Variants in ABCE1 observed in about 807,000 individuals in gnomAD.
The protein encoded by ABCE1 is ATP binding cassette subfamily E member 1, also known as ATP-binding cassette sub-family E member 1.
ABCE1 carries 22 observed loss-of-function variants against 83.4 expected under a neutral mutation model. The ratio of observed to expected loss-of-function variants is 0.26; its 90% confidence interval spans 0.19 to 0.38. The LOEUF is 0.38. Ranked by LOEUF, ABCE1 falls within the 10% of genes least tolerant of loss-of-function variation. The pLI is 1.00. For synonymous variants in ABCE1, 204 were observed against 233.7 expected (o/e 0.87, Z 1.16); for missense variants, 330 against 721.9 (o/e 0.46, Z 6.22).
At chr4:145,115,580 A>G (rs1749588062) in intron 9 of ABCE1, among the ~76,000 whole-genome samples, 1 of 151,198 alleles carries the variant, frequency 6.6e-6, no homozygotes. Context: ...ATGTTTTCTC[A>G]TTTCATTCCC....
At chr4:145,125,389 A>G (rs1490014238) in intron 17 of ABCE1, among the ~76,000 whole-genome samples, 1 of 152,128 alleles carries the variant, frequency 6.6e-6, no homozygotes, top group Non-Finnish European at 1.5e-5. Context: ...AATCACTTGA[A>G]CCTGGAAGGT....
At chr4:145,106,328 G>A (rs993347684) in intron 3 of ABCE1, among the ~76,000 whole-genome samples, 32 of 152,022 alleles carry the variant, frequency 2.1e-4, no homozygotes, top group Middle Eastern at 3.4e-3. Context: ...CAAATAAATC[G>A]TGTGTATATT....
intron 9 of ABCE1, among the ~76,000 whole-genome samples, chr4:145,115,236 G>A (rs34149094): frequency 0.06 from 9,132 of 151,984 alleles, 372 homozygotes; most frequent in Middle Eastern, 0.15. Flanking sequence ...TTTGAAGGTT[G>A]GGGTTGGGGG....
chr4:145,125,350 C>T (rs1749851537), intron 17 of ABCE1, among the ~76,000 whole-genome samples: 1 of 152,024 alleles, frequency 6.6e-6, no homozygotes, highest in African/African-American at 2.4e-5. Flanking sequence ...TATCTGTAAT[C>T]CCAGCTACTT....
intron 17 of ABCE1, among the ~76,000 whole-genome samples, chr4:145,126,849 T>C (rs1049804247): frequency 5.9e-5 from 9 of 152,152 alleles, no homozygotes; most frequent in African/African-American, 2.2e-4. Flanking sequence ...CTGATTGATA[T>C]TACTTCTTGG....
intron 9 of ABCE1, among the ~76,000 whole-genome samples, chr4:145,114,448 TATCAA>T (rs1749560672): frequency 6.6e-6 from 1 of 152,072 alleles, no homozygotes; most frequent in Admixed American, 6.6e-5. Context: ...ACTTTAAAGA[TATCAA>T]ATCATGTCCT....
intron 8 of ABCE1, 142 bp from the exon 9 acceptor site, chr4:145,112,097 A>G (rs956262720): frequency 1.4e-5 from 8 of 577,040 alleles, no homozygotes; most frequent in African/African-American, 1.3e-4. Context: ...TTACCATTAC[A>G]AGTAGACTCT....
In ABCE1 at chr4:145,108,024, T is replaced by C. The variant is rs1749354544; in HGVS notation, c.199T>C (p.Phe67Leu). ...GCGICIKKCP[F>L]GALSIVNLPS... ...TTACTTTAAATAACAGAAATGCCCC[T>C]TTGGCGCCTTATCAATTGTCAATCT... The change falls in exon 4 of 18, where the codon TTT becomes CTT. Residue 67 changes from phenylalanine to leucine, a missense_variant. By Grantham distance (22) the Phe-to-Leu change is conservative (BLOSUM62 0). Coordinates refer to ENST00000296577, the MANE Select transcript of ABCE1 (RefSeq NM_002940.3). 6.2e-7 allele frequency: 1 copy of C among 1,613,028 alleles called. No homozygotes were observed. Among genetic ancestry groups the C allele is most frequent in the African/African-American group, 1.3e-5 (1 of 74,890 alleles).
At chr4:145,122,338 G>C (rs1367119833) in intron 13 of ABCE1, 1 of 152,150 alleles carries the variant, frequency 6.6e-6, no homozygotes, top group African/African-American at 2.4e-5. Flanking sequence ...AGCCATCTTA[G>C]GATTCATCCC....
At chr4:145,121,441 C>G (rs1389334801) in intron 13 of ABCE1, 50 bp downstream of exon 13, 1 of 1,324,442 alleles carries the variant, frequency 7.6e-7, no homozygotes, top group East Asian at 2.3e-5. Flanking sequence ...TGTATATATG[C>G]CTATAGCTTT....
At position 145,129,402 on chromosome 4, in the gene ABCE1, A is replaced by T. The variant is rs1006341052; in HGVS notation, c.*1829A>T. Among the ~76,000 whole-genome samples the T allele has an allele frequency of 2.0e-5, 3 of 152,188 alleles. No individual in the cohort carries two copies. Among genetic ancestry groups the T allele is most frequent in the Non-Finnish European group, 2.9e-5 (2 of 68,020 alleles). On this transcript the variant is annotated 3_prime_UTR_variant, in exon 18 of 18. Coordinates refer to ENST00000296577, the MANE Select transcript of ABCE1 (RefSeq NM_002940.3). ...GTTAGCAAAAGAATGAGACTACTTC[A>T]TATGTCCTAATTGGAAAAAGTCTCA... is the stretch of plus-strand genomic sequence containing the variant.
Position 145,120,612 on chromosome 4 carries a change from A to G in ABCE1, c.1144+459A>G, listed in dbSNP as rs545217831. Among the ~76,000 whole-genome samples the G allele has an allele frequency of 1.1e-4, 16 of 152,158 alleles. 1 individual carries two copies. Among genetic ancestry groups the G allele is most frequent in the African/African-American group, 3.4e-4 (14 of 41,578 alleles). ...AGCATATATTTCATAATAAATTGTC[A>G]TAAGTGTAGATATAAGATGAATTTG... On this transcript the variant is annotated intron_variant, in intron 11 of 17. Transcript: ENST00000296577.
chr4:145,099,545 T>G (rs1248393612), intron 1 of ABCE1, among the ~76,000 whole-genome samples: 1 of 152,202 alleles, frequency 6.6e-6, no homozygotes, highest in Non-Finnish European at 1.5e-5. Flanking sequence ...AAGGGAGTTT[T>G]TTTGTTTGTT....
intron 1 of ABCE1, among the ~76,000 whole-genome samples, chr4:145,100,638 C>G (rs1325674362): frequency 6.6e-6 from 1 of 152,170 alleles, no homozygotes; most frequent in Non-Finnish European, 1.5e-5. Flanking sequence ...CTAATTTCTT[C>G]CTCTTCTAAT....
At position 145,128,030 on chromosome 4, in the gene ABCE1, T is replaced by C. The variant is rs1475634176; in HGVS notation, c.*457T>C. On this transcript the variant is annotated 3_prime_UTR_variant, in exon 18 of 18. Coordinates refer to ENST00000296577, the MANE Select transcript of ABCE1 (RefSeq NM_002940.3). ...ATTCCACTGATTGACATTTGATAAA[T>C]AAACATCAGGATTATGTTTATTGTT... 1.3e-5 allele frequency: 2 copies of C among 153,524 alleles called. No homozygotes were observed. Among genetic ancestry groups the C allele is most frequent in the Admixed American group, 6.5e-5 (1 of 15,292 alleles). 9.5% of individuals were successfully genotyped at this position (153,524 alleles called of 1,614,324 possible).
At chr4:145,106,742 A>G (rs913023948) in intron 3 of ABCE1, among the ~76,000 whole-genome samples, 9 of 152,138 alleles carry the variant, frequency 5.9e-5, no homozygotes, top group Non-Finnish European at 1.2e-4. Flanking sequence ...CACTTGCAGC[A>G]TATAAGCATT....
intron 12 of ABCE1, 40 bp from the exon 13 acceptor site, chr4:145,121,293 G>C (rs10519725): frequency 0.049 from 79,330 of 1,611,810 alleles, 2,282 homozygotes; most frequent in Non-Finnish European, 0.056. Context: ...TTAAAGATCT[G>C]GGCAGTTTTT....
chr4:145,098,538 G>A (rs1183946170), intron 1 of ABCE1, 119 bp downstream of exon 1: 1 of 152,348 alleles, frequency 6.6e-6, no homozygotes, highest in African/African-American at 2.4e-5. Context: ...CAGCAGCAGC[G>A]CGTGGCAGCG....
At position 145,112,330 on chromosome 4, in the gene ABCE1, T is replaced by TA; in HGVS notation, c.800+4dup. The TA allele has an allele frequency of 6.4e-7, 1 of 1,558,750 alleles. No homozygotes were observed. Among genetic ancestry groups the TA allele is most frequent in the African/African-American group, 1.4e-5 (1 of 72,846 alleles). On this transcript the variant is annotated splice_region_variant and intron_variant, in intron 9 of 17. Transcript: ENST00000296577. ...ACGATCTCTAATAAATCCAGATAGG[T>TA]AAGTAGAGATCTGGCATATTACTGT...
Sources: gnomAD v4.1 joint callset for allele counts (sites outside exome capture counted in the v4.1 genomes callset) on GRCh38, gnomAD v4.1.1 for gene constraint, MANE v1.5 for transcripts, NCBI Gene and HGNC (gene_info 2026-07-23, HGNC 2026-07-21) for gene names.